Variants in GPSM2 observed in about 807,000 individuals in gnomAD.
GPSM2 encodes the protein G protein-signaling modulator 2.
A neutral mutation model predicts 78.4 loss-of-function variants in GPSM2; 58 were observed. The ratio of observed to expected loss-of-function variants is 0.74; its 90% CI spans 0.60 to 0.92. The LOEUF is 0.92. Among genes scored for constraint, GPSM2 ranks in the 40% least tolerant of loss-of-function variants. The pLI, the probability that GPSM2 is intolerant of heterozygous loss-of-function variation, is 0.00. For synonymous variants in GPSM2, 224 were observed against 280.2 expected, an observed-to-expected ratio of 0.80 and a Z score of 2.00; for missense variants, 700 against 815.5, an observed-to-expected ratio of 0.86 and a Z score of 1.73.
At chr1:108,891,752 C>G (rs1011936184) in intron 2 of GPSM2, among the ~76,000 whole-genome samples, 2 of 151,504 alleles carry the variant, frequency 1.3e-5, no homozygotes, top group Admixed American at 6.6e-5. Context: ...CGATCCACCC[C>G]CCCTTAGCCT....
In GPSM2 at chr1:108,932,850, G is replaced by A. The variant is rs1401797856; in HGVS notation, c.*2910G>A. 1 of 152,144 alleles carries A rather than the reference G, an allele frequency of 6.6e-6. No homozygotes were observed. Among genetic ancestry groups the A allele is most frequent in the Non-Finnish European group, 1.5e-5 (1 of 68,028 alleles). The allele number at this position is 152,144 out of a possible 1,614,324, so 9.4% of individuals were successfully genotyped here. ...TTTTGCATTTCTTAGAAAAAATCAC[G>A]TTTCTGATGAAATTCTAAAGATGTT... is the stretch of plus-strand genomic sequence containing the variant. On this transcript the variant is annotated 3_prime_UTR_variant, in exon 15 of 15. Coordinates refer to ENST00000264126, the MANE Select transcript of GPSM2 (RefSeq NM_013296.5).
chr1:108,916,110 T>TGGGCCTGGTGTCACATGCC (rs1650206753), intron 11 of GPSM2, among the ~76,000 whole-genome samples: 1 of 150,866 alleles, frequency 6.6e-6, no homozygotes, highest in African/African-American at 2.4e-5. Context: ...AAAAATTAGC[T>TGGGCCTGGTGTCACATGCC]GGGCCTGGTG....
intron 1 of GPSM2, among the ~76,000 whole-genome samples, chr1:108,884,855 A>T (rs1402562524): frequency 6.6e-6 from 1 of 152,220 alleles, no homozygotes; most frequent in Non-Finnish European, 1.5e-5. Context: ...ACTATAACCG[A>T]AGTATCAGTG....
chr1:108,924,114 T>C lies in GPSM2; in HGVS notation c.1715T>C (p.Leu572Pro). 1 of 1,613,756 alleles carries C rather than the reference T, an allele frequency of 6.2e-7. No homozygotes were observed. The highest frequency in any genetic ancestry group is 1.3e-5 in the African/African-American group (1 of 75,040). Residue 572 changes from leucine to proline, a missense_variant, in exon 14 of 15, where the codon CTT becomes CCT. Transcript: ENST00000264126. ...GCTAGTTTCAGTAATTTGCCAGGGCTTCGTCTAACACAAAACAGCCAGTCG... is the reference window on the plus strand; with the variant it reads ...GCTAGTTTCAGTAATTTGCCAGGGCCTCGTCTAACACAAAACAGCCAGTCG... ...QRASFSNLPG[L>P]RLTQNSQSVL...
intron 2 of GPSM2, among the ~76,000 whole-genome samples, chr1:108,892,056 G>A (rs998953997): frequency 1.3e-5 from 2 of 152,130 alleles, no homozygotes; most frequent in African/African-American, 4.8e-5. Flanking sequence ...GATGGAAAAG[G>A]TTCATGCCCA....
chr1:108,882,927 G>A lies in GPSM2; in HGVS notation c.-248-2348G>A, dbSNP rs376159629. 7.9e-5 allele frequency among the ~76,000 whole-genome samples: 12 copies of A among 152,298 alleles called. No homozygotes were observed. The East Asian group carries it at 1.7e-3, about 22-fold the overall frequency. Reference sequence around the variant, plus strand: ...TTCTTAAAATACTGCTCCCTAGCCCGTGCTGTGGCATGCACCTGTAGTCCC... The same window carrying A: ...TTCTTAAAATACTGCTCCCTAGCCCATGCTGTGGCATGCACCTGTAGTCCC... On this transcript the variant is annotated intron_variant, in intron 1 of 14. Transcript: ENST00000264126.
At chr1:108,923,121 C>T (rs1277625687) in intron 13 of GPSM2, among the ~76,000 whole-genome samples, 3 of 152,136 alleles carry the variant, frequency 2.0e-5, no homozygotes, top group Admixed American at 6.5e-5. Context: ...TTGTCCTCTA[C>T]TCTTGGGCTC....
At chr1:108,919,611 G>A (rs1650547164) in intron 12 of GPSM2, among the ~76,000 whole-genome samples, 1 of 152,030 alleles carries the variant, frequency 6.6e-6, no homozygotes, top group African/African-American at 2.4e-5. Context: ...GGTGGTATAT[G>A]CCTATGGTCC....
chr1:108,905,348 ATTGTCTTTACTTCC>A (rs1438919539), intron 10 of GPSM2, among the ~76,000 whole-genome samples: 1 of 152,144 alleles, frequency 6.6e-6, no homozygotes, highest in Non-Finnish European at 1.5e-5. Context: ...ACTAATATTC[ATTGTCTTTACTTCC>A]TTGCCTCCCT....
At chr1:108,920,226 C>T (rs547113706) in intron 12 of GPSM2, among the ~76,000 whole-genome samples, 16 of 151,672 alleles carry the variant, frequency 1.1e-4, no homozygotes, top group Admixed American at 3.3e-4. Context: ...CCCAGCACTT[C>T]GGGAGGCCAA....
In GPSM2 at chr1:108,885,323, G is replaced by A. The variant is rs1647447776; in HGVS notation, c.-200G>A. 1 of 476,898 alleles carries A rather than the reference G, an allele frequency of 2.1e-6. No individual in the cohort carries two copies. Among genetic ancestry groups the A allele is most frequent in the Admixed American group, 3.7e-5 (1 of 27,074 alleles). 29.5% of individuals were successfully genotyped at this position (476,898 alleles called of 1,614,324 possible). ...AAGGGCCAGAGATGCAAGGATTTGG[G>A]ATACATTTTGAACCTTTAAGCTGTC... On this transcript the variant is annotated 5_prime_UTR_variant, in exon 2 of 15. Transcript: ENST00000264126.
rs1652528510 is a variant in GPSM2 at position 108,934,377 on chromosome 1, CCTT to C, written c.*4438_*4440del. The C allele has an allele frequency of 2.8e-6, 1 of 354,606 alleles. No individual in the cohort carries two copies. Among genetic ancestry groups the C allele is most frequent in the African/African-American group, 2.1e-5 (1 of 48,516 alleles). 22.0% of individuals were successfully genotyped at this position (354,606 alleles called of 1,614,324 possible). On this transcript the variant is annotated 3_prime_UTR_variant, in exon 15 of 15. Coordinates refer to ENST00000264126, the MANE Select transcript of GPSM2 (RefSeq NM_013296.5). ...CAATGTCCCCAATTCAAACTGGCCT[CCTT>C]AACTATCCAGAATCAGTGATGCCTG...
intron 11 of GPSM2, among the ~76,000 whole-genome samples, chr1:108,918,010 CTG>C (rs1287453770): frequency 6.6e-6 from 1 of 152,008 alleles, no homozygotes; most frequent in Non-Finnish European, 1.5e-5. Flanking sequence ...ACATTTAAGA[CTG>C]AATGTTAAAG....
chr1:108,917,398 T>C (rs893647825), intron 11 of GPSM2, among the ~76,000 whole-genome samples: 1 of 150,978 alleles, frequency 6.6e-6, no homozygotes, highest in Non-Finnish European at 1.5e-5. Flanking sequence ...AAACCCCGTC[T>C]CTACTAAAAA....
rs759022598 is a variant in GPSM2 at position 108,924,221 on chromosome 1, CTG to C, written c.1815+9_1815+10del. 6.3e-7 allele frequency: 1 copy of C among 1,584,378 alleles called. No homozygotes were observed. The highest frequency in any genetic ancestry group is 8.7e-7 in the Non-Finnish European group (1 of 1,153,040). On this transcript the variant is annotated splice_region_variant and intron_variant, in intron 14 of 14. Coordinates refer to ENST00000264126, the MANE Select transcript of GPSM2 (RefSeq NM_013296.5). ...CATCCTTGTAAAATGTCAAGTATGT[CTG>C]TATATTTTTTTCGTTCTGCATACAG...
intron 14 of GPSM2, among the ~76,000 whole-genome samples, chr1:108,928,718 C>T (rs1651373218): frequency 6.6e-6 from 1 of 152,014 alleles, no homozygotes; most frequent in Non-Finnish European, 1.5e-5. Flanking sequence ...ATTCAGAGAC[C>T]AGGCTCATGC....
intron 10 of GPSM2, among the ~76,000 whole-genome samples, chr1:108,905,585 C>T (rs906526277): frequency 1.3e-5 from 2 of 152,004 alleles, no homozygotes; most frequent in African/African-American, 2.4e-5. Context: ...CGTCTTTATT[C>T]TCTTCTCTCC....
At chr1:108,921,517 A>G (rs1474116017) in intron 12 of GPSM2, among the ~76,000 whole-genome samples, 1 of 152,096 alleles carries the variant, frequency 6.6e-6, no homozygotes, top group African/African-American at 2.4e-5. Flanking sequence ...TTCATTTATT[A>G]TCTCTAAACA....
chr1:108,881,404 C>T (rs1665895088), intron 1 of GPSM2, among the ~76,000 whole-genome samples: 1 of 152,134 alleles, frequency 6.6e-6, no homozygotes, highest in Non-Finnish European at 1.5e-5. Flanking sequence ...ATTTTCTTAT[C>T]CTAATGATCA....
Sources: gnomAD v4.1 joint callset for allele counts (sites outside exome capture counted in the v4.1 genomes callset) on GRCh38, gnomAD v4.1.1 for gene constraint, MANE v1.5 for transcripts, NCBI Gene and HGNC (gene_info 2026-07-23, HGNC 2026-07-21) for gene names.